The following SLCO3A1 variants were observed in gnomAD, a reference collection of about 807,000 sequenced individuals.
SLCO3A1 encodes solute carrier organic anion transporter family member 3A1.
A neutral mutation model predicts 63.1 loss-of-function variants in SLCO3A1; 27 were observed. That is an observed-to-expected ratio of 0.43 (90% CI 0.32 to 0.59). The LOEUF (loss-of-function observed/expected upper bound fraction) is 0.59, where lower values mean the gene tolerates loss of function less well. Among genes scored for constraint, SLCO3A1 ranks in the 20% least tolerant of loss-of-function variants. The probability of loss-of-function intolerance (pLI) is 0.09; values close to 1 mark genes in which losing one functional copy is unlikely to be tolerated. For missense variants in SLCO3A1, 773 were observed against 945.8 expected (o/e 0.82, Z 2.40); for synonymous variants, 473 against 409.9 (o/e 1.15, Z -1.86).
intron 2 of SLCO3A1, among the ~76,000 whole-genome samples, chr15:91,934,301 A>G (rs917238750): frequency 5.3e-5 from 8 of 152,068 alleles, no homozygotes; most frequent in Admixed American, 4.6e-4. Flanking sequence ...CCAGAGACAT[A>G]CCTTTCCTCT....
At chr15:92,106,791 A>C (rs2047672618) in intron 4 of SLCO3A1, among the ~76,000 whole-genome samples, 1 of 152,212 alleles carries the variant, frequency 6.6e-6, no homozygotes, top group Non-Finnish European at 1.5e-5. Context: ...GAAATGCAGC[A>C]AAGAGGCAGA....
intron 2 of SLCO3A1, among the ~76,000 whole-genome samples, chr15:91,983,518 C>T (rs908594327): frequency 2.6e-5 from 4 of 152,212 alleles, no homozygotes; most frequent in South Asian, 2.1e-4. Context: ...TTGACTGTCC[C>T]GGACAGATTG....
chr15:91,979,222 A>G lies in SLCO3A1; in HGVS notation c.646+62764A>G, dbSNP rs926257357. 5.9e-5 allele frequency among the ~76,000 whole-genome samples: 9 copies of G among 152,276 alleles called. No individual in the cohort carries two copies. In the East Asian group the frequency reaches 1.7e-3, roughly 29 times the overall value. On this transcript the variant is annotated intron_variant, in intron 2 of 9. Coordinates refer to ENST00000318445, the MANE Select transcript of SLCO3A1 (RefSeq NM_013272.4). Reference sequence around the variant, plus strand: ...TTTTTTTTAATTTTGGAATATGTGCATGTGCATGATGAGATATTTGGGGGA... The same window carrying G: ...TTTTTTTTAATTTTGGAATATGTGCGTGTGCATGATGAGATATTTGGGGGA...
At chr15:91,973,337 T>C (rs1229673198) in intron 2 of SLCO3A1, among the ~76,000 whole-genome samples, 1 of 152,196 alleles carries the variant, frequency 6.6e-6, no homozygotes, top group Non-Finnish European at 1.5e-5. Context: ...TCCATTCTGC[T>C]GATGAAGAGC....
chr15:91,880,393 C>CTGTGTGTG (rs1312987837), intron 1 of SLCO3A1, among the ~76,000 whole-genome samples: 541 of 44,668 alleles, frequency 0.012, 7 homozygotes, highest in African/African-American at 0.025. Flanking sequence ...CTCTCTCTCT[C>CTGTGTGTG]TCTCTCTCTC....
rs190489987 is a variant in SLCO3A1, at chr15:91,883,920, G to C, written c.180+29832G>C. On this transcript the variant is annotated intron_variant, in intron 1 of 9. Coordinates refer to ENST00000318445, the MANE Select transcript of SLCO3A1 (RefSeq NM_013272.4). The surrounding 1 kb of genome is among the most constrained non-coding windows in gnomAD (Gnocchi z 4.8). ...GATGCTTGCAGAAACATCTCACAAA[G>C]CAGGCAACTGAAGGGATCCAGTTTC... 6.6e-5 allele frequency among the ~76,000 whole-genome samples: 10 copies of C among 152,264 alleles called. No homozygotes were observed. Among genetic ancestry groups the C allele is most frequent in the African/African-American group, 2.4e-4 (10 of 41,556 alleles).
At chr15:91,911,977 ATT>A (rs542970276) in intron 1 of SLCO3A1, among the ~76,000 whole-genome samples, 1 of 147,884 alleles carries the variant, frequency 6.8e-6, no homozygotes, top group East Asian at 2.0e-4. Context: ...ATGCAAGCTG[ATT>A]TTTTTTTTTT....
intron 1 of SLCO3A1, among the ~76,000 whole-genome samples, chr15:91,889,725 A>G (rs1242976986): frequency 6.6e-6 from 1 of 152,246 alleles, no homozygotes; most frequent in Non-Finnish European, 1.5e-5. Context: ...CAGGCCATTA[A>G]GGTGAAAGTA....
intron 2 of SLCO3A1, among the ~76,000 whole-genome samples, chr15:91,918,496 G>A (rs1459544297): frequency 6.6e-6 from 1 of 152,114 alleles, no homozygotes; most frequent in South Asian, 2.1e-4. Flanking sequence ...GGTTTACATG[G>A]GTTTGTGTTT....
In SLCO3A1 at chr15:91,941,480, ACTCTGAG is replaced by A. The variant is rs1899619024; in HGVS notation, c.646+25024_646+25030del. The A allele has an allele frequency of 2.2e-6, 1 of 452,872 alleles. No homozygotes were observed. Among genetic ancestry groups the A allele is most frequent in the Non-Finnish European group, 4.4e-6 (1 of 225,896 alleles). 28.1% of individuals were successfully genotyped at this position (452,872 alleles called of 1,614,324 possible). On this transcript the variant is annotated intron_variant, in intron 2 of 9. Coordinates refer to ENST00000318445, the MANE Select transcript of SLCO3A1 (RefSeq NM_013272.4). The surrounding 1 kb of genome is among the most constrained non-coding windows in gnomAD (Gnocchi z 4.4). Reference sequence around the variant, plus strand: ...TGGCCTTAGGGAAGGACAAACTTCAACTCTGAGCCTTGATTGAGTGACCTTGGCCAAG... The same window carrying A: ...TGGCCTTAGGGAAGGACAAACTTCAACCTTGATTGAGTGACCTTGGCCAAG...
chr15:92,032,156 T>A (rs55649144), intron 2 of SLCO3A1, among the ~76,000 whole-genome samples: 34,350 of 152,144 alleles, frequency 0.23, 4,234 homozygotes, highest in South Asian at 0.37. Flanking sequence ...TGGCCAAGAC[T>A]GGGGGCCAGA....
intron 2 of SLCO3A1, among the ~76,000 whole-genome samples, chr15:91,988,263 G>A (rs765619743): frequency 1.3e-5 from 2 of 151,876 alleles, no homozygotes; most frequent in Admixed American, 6.6e-5. Context: ...CGGGCATGGT[G>A]GGGGGAGGAG....
rs1029918920 is a variant in SLCO3A1 at position 91,950,780 on chromosome 15, T to C, written c.646+34322T>C. On this transcript the variant is annotated intron_variant, in intron 2 of 9. Coordinates refer to ENST00000318445, the MANE Select transcript of SLCO3A1 (RefSeq NM_013272.4). This position sits in a 1 kb window ranked among gnomAD's most constrained non-coding sequence, Gnocchi z 4.4. ...GTTGTTGAAAGTCTTTGGCAATGCTTAATTTTATGGTATGTGCAATGCTAA... is the reference window on the plus strand; with the variant it reads ...GTTGTTGAAAGTCTTTGGCAATGCTCAATTTTATGGTATGTGCAATGCTAA... Among the ~76,000 whole-genome samples the C allele has an allele frequency of 6.6e-6, 1 of 152,188 alleles. No homozygotes were observed. Among genetic ancestry groups the C allele is most frequent in the Non-Finnish European group, 1.5e-5 (1 of 68,040 alleles).
chr15:92,047,530 T>A (rs1313566362), intron 2 of SLCO3A1, among the ~76,000 whole-genome samples: 2 of 26,866 alleles, frequency 7.4e-5, no homozygotes, highest in South Asian at 1.1e-3. Flanking sequence ...TAAATAAATA[T>A]ATAAATATAT....
chr15:92,049,158 T>C (rs2046926648), intron 2 of SLCO3A1, among the ~76,000 whole-genome samples: 1 of 152,088 alleles, frequency 6.6e-6, no homozygotes, highest in Non-Finnish European at 1.5e-5. Context: ...AAGGGTACAG[T>C]TGGATAGTTT....
At chr15:92,065,029 A>G (rs1278812792) in intron 2 of SLCO3A1, among the ~76,000 whole-genome samples, 1 of 152,206 alleles carries the variant, frequency 6.6e-6, no homozygotes, top group African/African-American at 2.4e-5. Context: ...AATGTTTCCA[A>G]CATAATGGTT....
intron 2 of SLCO3A1, among the ~76,000 whole-genome samples, chr15:91,985,011 T>A (rs1293561969): frequency 6.6e-6 from 1 of 152,198 alleles, no homozygotes; most frequent in African/African-American, 2.4e-5. Context: ...TCTCAGATCA[T>A]AAGTGAACAA....
chr15:91,948,382 G>C lies in SLCO3A1; in HGVS notation c.646+31924G>C. Among the ~76,000 whole-genome samples the C allele has an allele frequency of 6.6e-6, 1 of 152,212 alleles. No homozygotes were observed. The highest frequency in any genetic ancestry group is 3.2e-3 in the Middle Eastern group (1 of 316). Reference sequence around the variant, plus strand: ...GCCAAGTTTAGAAGTGGCCGCATGTGTGGTGCCAGCCACAGCATCCTATTC... The same window carrying C: ...GCCAAGTTTAGAAGTGGCCGCATGTCTGGTGCCAGCCACAGCATCCTATTC... On this transcript the variant is annotated intron_variant, in intron 2 of 9. Transcript: ENST00000318445. The surrounding 1 kb of genome is among the most constrained non-coding windows in gnomAD (Gnocchi z 4.8).
chr15:91,863,535 T>C lies in SLCO3A1; in HGVS notation c.180+9447T>C, dbSNP rs1283506500. Among the ~76,000 whole-genome samples the C allele has an allele frequency of 1.3e-5, 2 of 152,266 alleles. No homozygotes were observed. The highest frequency in any genetic ancestry group is 2.9e-5 in the Non-Finnish European group (2 of 68,044). On this transcript the variant is annotated intron_variant, in intron 1 of 9. Transcript: ENST00000318445. This position sits in a 1 kb window ranked among gnomAD's most constrained non-coding sequence, Gnocchi z 4.3. ...ACTGTGTCTTGTGGGATGCTTTGCATAAGCAGCATGTATTCCAGTGTGGCA... is the reference window on the plus strand; with the variant it reads ...ACTGTGTCTTGTGGGATGCTTTGCACAAGCAGCATGTATTCCAGTGTGGCA...
Sources: allele counts gnomAD v4.1 joint callset (sites outside exome capture counted in the v4.1 genomes callset), GRCh38; gene constraint gnomAD v4.1.1; non-coding constraint Gnocchi (gnomAD v3.1); transcripts MANE v1.5; gene names NCBI Gene and HGNC (gene_info 2026-07-23, HGNC 2026-07-21).